RBPJ: variants seen among roughly 807,000 people sequenced by gnomAD.
RBPJ encodes the protein recombination signal binding protein for immunoglobulin kappa J region, also known as recombining binding protein suppressor of hairless.
Under a neutral mutation model 67.8 loss-of-function variants are expected in RBPJ, and 9 were observed. The ratio of observed to expected loss-of-function variants is 0.13; its 90% CI spans 0.08 to 0.23. RBPJ has a LOEUF of 0.23. Ranked by LOEUF, RBPJ falls within the 10% of genes least tolerant of loss-of-function variation. RBPJ has a pLI of 1.00. For synonymous variants in RBPJ, 198 were observed against 203.3 expected (o/e 0.97, Z 0.22); for missense variants, 305 against 595.6 (o/e 0.51, Z 5.08).
At chr4:26,287,245 G>C (rs1251219724) in intron 1 of RBPJ, among the ~76,000 whole-genome samples, 1 of 151,854 alleles carries the variant, frequency 6.6e-6, no homozygotes, top group Non-Finnish European at 1.5e-5. Flanking sequence ...GGAAAAAGAA[G>C]AAAGAGAGAA....
intron 1 of RBPJ, among the ~76,000 whole-genome samples, chr4:26,197,703 C>T (rs1366488817): frequency 6.6e-6 from 1 of 152,078 alleles, no homozygotes; most frequent in Non-Finnish European, 1.5e-5. Context: ...GAGGCCCTGG[C>T]CTGAACTGTT....
At chr4:26,166,572 T>C (rs1399045268) in intron 1 of RBPJ, among the ~76,000 whole-genome samples, 2 of 151,860 alleles carry the variant, frequency 1.3e-5, no homozygotes, top group Admixed American at 6.6e-5. Context: ...GTTGTTTGTT[T>C]TTTTCTTGTA....
chr4:26,148,192 C>A, the RBPJ span, among the ~76,000 whole-genome samples: 1 of 152,162 alleles, frequency 6.6e-6, no homozygotes, highest in East Asian at 1.9e-4. Flanking sequence ...ACTTAAGCAA[C>A]TGGCTAGATA....
chr4:26,359,483 C>T (rs1294593107), intron 1 of RBPJ, among the ~76,000 whole-genome samples: 1 of 146,680 alleles, frequency 6.8e-6, no homozygotes, highest in African/African-American at 2.5e-5. Context: ...CCAGTATGTC[C>T]GACCCTCTTC....
At chr4:26,361,627 T>C (rs1728070889) in intron 1 of RBPJ, among the ~76,000 whole-genome samples, 1 of 152,142 alleles carries the variant, frequency 6.6e-6, no homozygotes, top group Non-Finnish European at 1.5e-5. Flanking sequence ...CTTAAAGTAA[T>C]TTAAATTGCT....
Position 26,266,573 on chromosome 4 carries a change from C to T in RBPJ, c.-166-95873C>T, listed in dbSNP as rs138798201. ...CTTTCCACTGGGTATAGGGAGGGCA[C>T]TTCTTACATGGGGGTGTTATGACCT... On this transcript the variant is annotated intron_variant, in intron 1 of 4. Transcript: ENST00000512351. 8.5e-5 allele frequency among the ~76,000 whole-genome samples: 13 copies of T among 152,168 alleles called. No individual in the cohort carries two copies. In the East Asian group the frequency reaches 2.3e-3, roughly 27 times the overall value.
chr4:26,284,014 G>A (rs1050843814), intron 1 of RBPJ, among the ~76,000 whole-genome samples: 10 of 152,292 alleles, frequency 6.6e-5, no homozygotes, highest in South Asian at 2.1e-4. Context: ...ATGCTATTGG[G>A]TAGGTCAATA....
At chr4:26,184,193 AAAAG>A (rs1717135181) in intron 1 of RBPJ, among the ~76,000 whole-genome samples, 1 of 99,276 alleles carries the variant, frequency 1.0e-5, no homozygotes. Flanking sequence ...AAAAAAAAAA[AAAAG>A]AAAGAAAAAA....
At chr4:26,420,809 C>G in intron 5 of RBPJ, 84 bp downstream of exon 5, 2 of 1,072,884 alleles carry the variant, frequency 1.9e-6, no homozygotes, top group Non-Finnish European at 2.6e-6. Context: ...ATTGCCTTTT[C>G]AATAGCCAAT....
intron 1 of RBPJ, among the ~76,000 whole-genome samples, chr4:26,311,560 T>C (rs1157931776): frequency 6.6e-5 from 10 of 151,116 alleles, no homozygotes; most frequent in African/African-American, 2.4e-4. Context: ...AAAGTGTCAC[T>C]GTGTTTAAAC....
At chr4:26,145,360 G>T in the RBPJ span, among the ~76,000 whole-genome samples, 1 of 152,158 alleles carries the variant, frequency 6.6e-6, no homozygotes, top group Non-Finnish European at 1.5e-5. Context: ...AGGTGGGAGT[G>T]ATCTGAGCAG....
intron 3 of RBPJ, among the ~76,000 whole-genome samples, chr4:26,413,654 G>C (rs556109684): frequency 4.6e-5 from 7 of 152,156 alleles, no homozygotes; most frequent in Non-Finnish European, 1.0e-4. Flanking sequence ...CAAAAAGTAG[G>C]TTCCATTAAT....
At chr4:26,379,858 G>A (rs1266201171) in intron 1 of RBPJ, among the ~76,000 whole-genome samples, 1 of 152,110 alleles carries the variant, frequency 6.6e-6, no homozygotes, top group African/African-American at 2.4e-5. Flanking sequence ...TTACAGGTGT[G>A]AGCCATAGTG....
In RBPJ at chr4:26,306,585, G is replaced by A. The variant is rs558988081; in HGVS notation, c.-166-55861G>A. Among the ~76,000 whole-genome samples the A allele has an allele frequency of 5.3e-5, 8 of 152,062 alleles. No individual in the cohort carries two copies. In the East Asian group the frequency reaches 1.4e-3, roughly 26 times the overall value. On this transcript the variant is annotated intron_variant, in intron 1 of 4. Coordinates refer to the RBPJ transcript ENST00000512351. ...CTGCCTCAGCCTCCCGAGTAGCTGG[G>A]ACTACAGGTGTCCGCCACCATGCCC...
intron 1 of RBPJ, among the ~76,000 whole-genome samples, chr4:26,233,994 T>C (rs758641273): frequency 6.6e-6 from 1 of 152,176 alleles, no homozygotes; most frequent in Non-Finnish European, 1.5e-5. Context: ...TGCAAAGAAG[T>C]AATGGTGGAT....
chr4:26,255,240 TA>T (rs1403480421), intron 1 of RBPJ, among the ~76,000 whole-genome samples: 4 of 132,186 alleles, frequency 3.0e-5, no homozygotes, highest in Non-Finnish European at 4.8e-5. Flanking sequence ...CCGTCTCTAC[TA>T]AAAATACAAA....
chr4:26,106,065 C>T, the RBPJ span, among the ~76,000 whole-genome samples: 1 of 152,196 alleles, frequency 6.6e-6, no homozygotes, highest in African/African-American at 2.4e-5. Flanking sequence ...ACAGGACTAT[C>T]CTCTGTCATT....
At chr4:26,366,277 T>TTTTTGTTTTG (rs540662744) in intron 1 of RBPJ, among the ~76,000 whole-genome samples, 4 of 152,024 alleles carry the variant, frequency 2.6e-5, no homozygotes, top group African/African-American at 9.7e-5. Context: ...CAGTAGTTTT[T>TTTTTGTTTTG]TTTTGTTTTG....
chr4:26,367,156 A>G (rs146592411), intron 1 of RBPJ, among the ~76,000 whole-genome samples: 22 of 151,646 alleles, frequency 1.5e-4, no homozygotes, highest in African/African-American at 5.1e-4. Flanking sequence ...AAATAAAAAG[A>G]AAATACAAAT....
Sources: allele counts gnomAD v4.1 joint callset (sites outside exome capture counted in the v4.1 genomes callset), GRCh38; gene constraint gnomAD v4.1.1; transcripts MANE v1.5; gene names NCBI Gene and HGNC (gene_info 2026-07-23, HGNC 2026-07-21).